Variants in KLHL36 observed in about 807,000 individuals in gnomAD.
KLHL36 encodes kelch-like protein 36.
KLHL36 carries 35 observed loss-of-function variants against 53.3 expected under a neutral mutation model. The observed-to-expected ratio is 0.66, with a 90% confidence interval of 0.50 to 0.87. KLHL36 has a LOEUF of 0.87. KLHL36 is among the 40% of genes least tolerant of loss of function. The pLI, the probability that KLHL36 is intolerant of heterozygous loss-of-function variation, is 0.00. For missense variants in KLHL36, 864 were observed against 897.6 expected (o/e 0.96, Z 0.48); for synonymous variants, 472 against 398.9 (o/e 1.18, Z -2.18).
At chr16:84,655,581 G>C (rs189745239) in intron 2 of KLHL36, among the ~76,000 whole-genome samples, 1 of 151,788 alleles carries the variant, frequency 6.6e-6, no homozygotes, top group East Asian at 2.0e-4. Context: ...GCACACACCC[G>C]TAGTCCCAGC....
rs1225157900 is a variant in KLHL36 at position 84,657,013 on chromosome 16, A to G, written c.206A>G (p.Asp69Gly). 6.2e-7 allele frequency: 1 copy of G among 1,614,092 alleles called. No individual in the cohort carries two copies. The highest frequency in any genetic ancestry group is 8.5e-7 in the Non-Finnish European group (1 of 1,180,020). Residue 69 changes from aspartate to glycine, a missense_variant, in exon 3 of 5, where the codon GAC (aspartate) becomes GGC (glycine). Transcript: ENST00000564996. ...AHRNLLAVCS[D>G]YFNSMFTIGM... ...CGCAACCTGCTGGCCGTGTGCAGCG[A>G]CTACTTCAACTCCATGTTCACCATC...
chr16:84,657,563 C>G lies in KLHL36; in HGVS notation c.756C>G (p.Ala252=), dbSNP rs375775602. ...KNDLLHRVKP[A]VCSLLPKEAN... ...ACCTGCTGCACCGCGTCAAGCCGGC[C>G]GTGTGCTCGCTGCTGCCCAAGGAGG... Residue 252 remains alanine, a synonymous_variant, in exon 3 of 5, where the codon GCC becomes GCG. Transcript: ENST00000564996. 22 of 1,610,644 alleles carry G rather than the reference C, an allele frequency of 1.4e-5. No individual in the cohort carries two copies. Among genetic ancestry groups the G allele is most frequent in the African/African-American group, 4.0e-5 (3 of 74,924 alleles).
chr16:84,648,574 C>T lies in KLHL36; in HGVS notation c.-92C>T, dbSNP rs1428955304. 2 of 147,400 alleles carry T rather than the reference C, an allele frequency of 1.4e-5. No individual in the cohort carries two copies. Among genetic ancestry groups the T allele is most frequent in the Non-Finnish European group, 3.0e-5 (2 of 65,876 alleles). The allele number at this position is 147,400 out of a possible 1,614,324, so 9.1% of individuals were successfully genotyped here. A position where few individuals can be genotyped will look rare whatever the true frequency, so the allele number is the denominator to read the frequency against. The stretch of plus-strand genomic sequence containing the variant: ...GCGGGCTGGCCGGGGGTCTCCTGAA[C>T]CCGGGCCCCGCCGCCCCGACCGCCC... On this transcript the variant is annotated 5_prime_UTR_variant, in exon 1 of 5. Transcript: ENST00000564996. This position sits in a 1 kb window ranked among gnomAD's most constrained non-coding sequence, Gnocchi z 4.9.
intron 4 of KLHL36, among the ~76,000 whole-genome samples, chr16:84,660,467 G>A (rs908663153): frequency 1.8e-4 from 27 of 152,216 alleles, no homozygotes; most frequent in South Asian, 1.5e-3. Context: ...TGCATGTATC[G>A]AGCATTTATT....
Position 84,662,369 on chromosome 16 carries a change from C to T in KLHL36, c.*236C>T, listed in dbSNP as rs1446539884. ...GGCAGTGAGCAACCCCTTGTATCTT[C>T]ACAGGTCTTTGCCCCGTGTTATGAT... On this transcript the variant is annotated 3_prime_UTR_variant, in exon 5 of 5. Transcript: ENST00000564996. The T allele has an allele frequency of 6.7e-6, 3 of 448,122 alleles. No homozygotes were observed. The highest frequency in any genetic ancestry group is 4.0e-5 in the South Asian group (1 of 25,218). The allele number at this position is 448,122 out of a possible 1,614,324, so 27.8% of individuals were successfully genotyped here. A position where few individuals can be genotyped will look rare whatever the true frequency, so the allele number is the denominator to read the frequency against.
intron 2 of KLHL36, among the ~76,000 whole-genome samples, chr16:84,654,688 G>A (rs541142654): frequency 9.2e-5 from 14 of 152,240 alleles, no homozygotes; most frequent in African/African-American, 3.1e-4. Flanking sequence ...GTGGCTCACT[G>A]CAACCTCCGC....
At chr16:84,651,373 C>G (rs1567555360) in intron 2 of KLHL36, among the ~76,000 whole-genome samples, 1 of 152,154 alleles carries the variant, frequency 6.6e-6, no homozygotes, top group Admixed American at 6.5e-5. Flanking sequence ...CTTCCCTGGT[C>G]ATGATTCCCT....
intron 3 of KLHL36, 148 bp downstream of exon 3, chr16:84,658,092 C>T (rs560652547): frequency 7.4e-5 from 48 of 648,044 alleles, no homozygotes; most frequent in Admixed American, 1.8e-4. Context: ...CAGAATACCC[C>T]GGGGCCTACA....
At position 84,662,782 on chromosome 16, in the gene KLHL36, A is replaced by C. The variant is rs558546465; in HGVS notation, c.*649A>C. On this transcript the variant is annotated 3_prime_UTR_variant, in exon 5 of 5. Transcript: ENST00000564996. ...TCGCTAGACTGTCAGATGAGACATGATGACTTCCCGCTGGGGAGCTGTTCT... is the reference window on the plus strand; with the variant it reads ...TCGCTAGACTGTCAGATGAGACATGCTGACTTCCCGCTGGGGAGCTGTTCT... The C allele has an allele frequency of 6.6e-6, 1 of 152,356 alleles. No homozygotes were observed. The highest frequency in any genetic ancestry group is 6.5e-5 in the Admixed American group (1 of 15,302). The allele number at this position is 152,356 out of a possible 1,614,324, so 9.4% of individuals were successfully genotyped here.
rs1009458968 is a variant in KLHL36 at position 84,662,230 on chromosome 16, C to T, written c.*97C>T. On this transcript the variant is annotated 3_prime_UTR_variant, in exon 5 of 5. Transcript: ENST00000564996. The stretch of plus-strand genomic sequence containing the variant: ...AGTATTCCGGAAACATTATGTACAA[C>T]TTAGCAGCTTTTTTTACTTTTATGA... 6.4e-6 allele frequency: 7 copies of T among 1,101,116 alleles called. No homozygotes were observed. Among genetic ancestry groups the T allele is most frequent in the Non-Finnish European group, 7.5e-6 (6 of 796,448 alleles). The allele number at this position is 1,101,116 out of a possible 1,614,324, so 68.2% of individuals were successfully genotyped here.
At position 84,664,078 on chromosome 16, in the gene KLHL36, C is replaced by G. The variant is rs1464594760; in HGVS notation, c.*1945C>G. 6.6e-6 allele frequency: 1 copy of G among 152,204 alleles called. No homozygotes were observed. Among genetic ancestry groups the G allele is most frequent in the Non-Finnish European group, 1.5e-5 (1 of 68,040 alleles). 9.4% of individuals were successfully genotyped at this position (152,204 alleles called of 1,614,324 possible). A position where few individuals can be genotyped will look rare whatever the true frequency, so the allele number is the denominator to read the frequency against. ...TCCGAGAAGTCTCAACCCAGCATTT[C>G]CAAACTTCTTTGAGCCTAAAAGTCG... On this transcript the variant is annotated 3_prime_UTR_variant, in exon 5 of 5. Transcript: ENST00000564996.
chr16:84,659,672 C>A, intron 3 of KLHL36, 88 bp from the exon 4 acceptor site: 1 of 1,356,298 alleles, frequency 7.4e-7, no homozygotes, highest in Non-Finnish European at 1.0e-6. Context: ...GTTGTGCATT[C>A]CGCAGACACA....
Position 84,650,919 on chromosome 16 carries a change from G to A in KLHL36, c.52G>A (p.Glu18Lys), listed in dbSNP as rs79842977. 234 of 1,610,700 alleles carry A rather than the reference G, an allele frequency of 1.5e-4. No individual in the cohort carries two copies. In the East Asian group the frequency reaches 4.4e-3, roughly 30 times the overall value. ...TRVSRPYKIS[E>K]SSKVYRWADH... The stretch of plus-strand genomic sequence containing the variant: ...AGTGTCTCGGCCATACAAGATCAGC[G>A]AATCATCAAAGGTCTGTGAATGTTC... The change falls in exon 2 of 5, where the codon GAA (glutamate) becomes AAA (lysine). Residue 18 changes from glutamate (E) to lysine (K), a missense_variant. By Grantham distance (56) the Glu-to-Lys change is moderately conservative. Coordinates refer to ENST00000564996, the MANE Select transcript of KLHL36 (RefSeq NM_024731.4).
At chr16:84,652,639 G>T (rs1906964696) in intron 2 of KLHL36, among the ~76,000 whole-genome samples, 1 of 152,142 alleles carries the variant, frequency 6.6e-6, no homozygotes, top group Non-Finnish European at 1.5e-5. Context: ...TATGTTGCCA[G>T]CACCCAGATG....
At position 84,665,433 on chromosome 16, in the gene KLHL36, G is replaced by A. The variant is rs1567565119; in HGVS notation, c.*3300G>A. On this transcript the variant is annotated 3_prime_UTR_variant, in exon 5 of 5. Coordinates refer to ENST00000564996, the MANE Select transcript of KLHL36 (RefSeq NM_024731.4). ...GTATTATAATAATAGAAGGGAGGGA[G>A]TAGAAAGCTGATGAACCCTTGTTAC... 6.6e-6 allele frequency: 1 copy of A among 152,184 alleles called. No homozygotes were observed. The highest frequency in any genetic ancestry group is 1.5e-5 in the Non-Finnish European group (1 of 68,034). The allele number at this position is 152,184 out of a possible 1,614,324, so 9.4% of individuals were successfully genotyped here.
intron 2 of KLHL36, among the ~76,000 whole-genome samples, chr16:84,653,477 A>G (rs894914086): frequency 1.3e-5 from 2 of 151,900 alleles, no homozygotes; most frequent in Non-Finnish European, 2.9e-5. Flanking sequence ...TAATTGGGAA[A>G]TAGGCCAGGC....
At chr16:84,660,519 C>G (rs1457321081) in intron 4 of KLHL36, among the ~76,000 whole-genome samples, 1 of 152,212 alleles carries the variant, frequency 6.6e-6, no homozygotes, top group African/African-American at 2.4e-5. Context: ...ATTTTTTCCA[C>G]CAGTTCCCTG....
At position 84,659,777 on chromosome 16, in the gene KLHL36, G is replaced by A; in HGVS notation, c.1155G>A (p.Gln385=). The A allele has an allele frequency of 6.2e-7, 1 of 1,614,188 alleles. No individual in the cohort carries two copies. ...CTCCACAGGTGGCCTCCATGAACCA[G>A]CGCCGTGTGGATTTCTACCTTGCCT... The part of the protein sequence containing the change: ...KQWIKVASMN[Q]RRVDFYLASI... The change falls in exon 4 of 5, where the codon CAG becomes CAA. Residue 385 remains glutamine (Q), a synonymous_variant. Transcript: ENST00000564996.
At position 84,657,893 on chromosome 16, in the gene KLHL36, G is replaced by T; in HGVS notation, c.1086G>T (p.Ala362=). The change falls in exon 3 of 5, where the codon GCG becomes GCT. Residue 362 remains alanine, a synonymous_variant. Coordinates refer to ENST00000564996, the MANE Select transcript of KLHL36 (RefSeq NM_024731.4). Reference sequence around the variant, plus strand: ...TCTCACGGGACAACGGAGGGGATGCGGCCTCCAATCTTCTTTATAGGTATG... The same window carrying T: ...TCTCACGGGACAACGGAGGGGATGCTGCCTCCAATCTTCTTTATAGGTATG... ...GSFSRDNGGD[A]ASNLLYRYDP... 1 of 1,559,064 alleles carries T rather than the reference G, an allele frequency of 6.4e-7. No homozygotes were observed. Among genetic ancestry groups the T allele is most frequent in the Non-Finnish European group, 8.7e-7 (1 of 1,151,446 alleles).
Sources: gnomAD v4.1 joint callset for allele counts (sites outside exome capture counted in the v4.1 genomes callset) on GRCh38, gnomAD v4.1.1 for gene constraint, Gnocchi (gnomAD v3.1) non-coding constraint, MANE v1.5 for transcripts, NCBI Gene and HGNC (gene_info 2026-07-23, HGNC 2026-07-21) for gene names.